The following CNKSR2 variants were observed in gnomAD, a reference collection of about 807,000 sequenced individuals.
The protein encoded by CNKSR2 is connector enhancer of kinase suppressor of Ras 2.
CNKSR2 carries 14 observed loss-of-function variants against 84.4 expected under a neutral mutation model. That is an observed-to-expected ratio of 0.17 (90% CI 0.11 to 0.26). CNKSR2 has a LOEUF of 0.26. Among genes scored for constraint, CNKSR2 ranks in the 10% least tolerant of loss-of-function variants. The probability of loss-of-function intolerance (pLI) is 1.00; values close to 1 mark genes in which losing one functional copy is unlikely to be tolerated. For synonymous variants in CNKSR2, 275 were observed against 277.9 expected (o/e 0.99, Z 0.10); for missense variants, 485 against 771.2 (o/e 0.63, Z 4.40).
At chrX:21,552,526 T>TA (rs762472870) in intron 11 of CNKSR2, among the ~76,000 whole-genome samples, 1 of 112,026 alleles carries the variant, frequency 8.9e-6, no homozygotes, top group Non-Finnish European at 1.9e-5. Flanking sequence ...CTACCAATGA[T>TA]ACGATTTCTT....
At chrX:21,394,154 T>C (rs1416604865) in intron 1 of CNKSR2, among the ~76,000 whole-genome samples, 1 of 111,920 alleles carries the variant, frequency 8.9e-6, no homozygotes, top group East Asian at 2.8e-4. Flanking sequence ...GAATAATTAA[T>C]ATATAGTCCA....
At chrX:21,649,081 G>A (rs927031960) in intron 21 of CNKSR2, 54 bp downstream of exon 21, 1 of 904,490 alleles carries the variant, frequency 1.1e-6, no homozygotes, top group African/African-American at 2.0e-5. Flanking sequence ...TTCTTAAAGT[G>A]GATTACCAGA....
At chrX:21,449,651 C>T (rs2090902034) in intron 4 of CNKSR2, among the ~76,000 whole-genome samples, 1 of 110,885 alleles carries the variant, frequency 9.0e-6, no homozygotes, top group South Asian at 3.8e-4. Context: ...TGCCCATGCT[C>T]CATGTGCATC....
chrX:21,433,597 T>C (rs1008608421), intron 3 of CNKSR2, among the ~76,000 whole-genome samples: 17 of 108,655 alleles, frequency 1.6e-4, no homozygotes, highest in African/African-American at 5.7e-4. Flanking sequence ...TCTGATAATA[T>C]ACATTACCAG....
intron 20 of CNKSR2, among the ~76,000 whole-genome samples, chrX:21,630,390 A>G (rs2092642481): frequency 8.9e-6 from 1 of 112,381 alleles, no homozygotes; most frequent in Non-Finnish European, 1.9e-5. Context: ...TACAAATAAT[A>G]GCTAACATTT....
At chrX:21,404,270 T>C (rs2090232803) in intron 1 of CNKSR2, among the ~76,000 whole-genome samples, 1 of 111,430 alleles carries the variant, frequency 9.0e-6, no homozygotes, top group East Asian at 2.8e-4. Context: ...AGGGTTTATG[T>C]GTGTACAGTT....
intron 1 of CNKSR2, among the ~76,000 whole-genome samples, chrX:21,415,865 CACACACAT>C (rs1402878950): frequency 2.1e-3 from 215 of 100,283 alleles, no homozygotes; most frequent in Middle Eastern, 5.1e-3. Context: ...CACACACACA[CACACACAT>C]ATATATATAT....
At chrX:21,443,560 C>T (rs893690743) in intron 4 of CNKSR2, among the ~76,000 whole-genome samples, 1 of 111,344 alleles carries the variant, frequency 9.0e-6, no homozygotes, top group African/African-American at 3.3e-5. Context: ...CTTCTTAGAT[C>T]CATTTTACAT....
chrX:21,529,138 C>T (rs1004598877), intron 10 of CNKSR2, among the ~76,000 whole-genome samples: 1 of 110,982 alleles, frequency 9.0e-6, no homozygotes, highest in South Asian at 3.7e-4. Flanking sequence ...AAACCTCTCT[C>T]ATCTCAAAAA....
At chrX:21,504,718 G>C in intron 8 of CNKSR2, 2 of 293,754 alleles carry the variant, frequency 6.8e-6, no homozygotes, top group Non-Finnish European at 1.2e-5. Flanking sequence ...TTTTTTAAAA[G>C]TATTTTCTTA....
chrX:21,395,715 T>C (rs959004554), intron 1 of CNKSR2, among the ~76,000 whole-genome samples: 12 of 111,831 alleles, frequency 1.1e-4, no homozygotes, highest in Non-Finnish European at 1.1e-4. Context: ...AAATTCATGT[T>C]CATACTTGGT....
intron 2 of CNKSR2, chrX:21,428,653 G>A (rs752815460): frequency 4.5e-5 from 5 of 111,046 alleles, no homozygotes; most frequent in South Asian, 7.6e-4. Context: ...ATAGCTTAAC[G>A]TATGGTCCTT....
intron 2 of CNKSR2, chrX:21,426,909 G>T (rs2090572540): frequency 2.9e-6 from 1 of 350,763 alleles, no homozygotes; most frequent in Non-Finnish European, 4.8e-6. Flanking sequence ...AGTCCAGAGT[G>T]TATGTCTCAT....
At chrX:21,409,256 AT>A (rs2090309165) in intron 1 of CNKSR2, among the ~76,000 whole-genome samples, 1 of 83,182 alleles carries the variant, frequency 1.2e-5, no homozygotes, top group Admixed American at 1.3e-4. Context: ...ATATATATAT[AT>A]ATATATATAT....
intron 9 of CNKSR2, among the ~76,000 whole-genome samples, chrX:21,519,058 A>ATTAAATAT (rs1384837205): frequency 8.1e-5 from 9 of 110,788 alleles, no homozygotes; most frequent in Non-Finnish European, 1.7e-4. Context: ...ATTGGTGTTA[A>ATTAAATAT]TTAAATATTT....
chrX:21,605,411 C>T (rs2092510607), intron 18 of CNKSR2, among the ~76,000 whole-genome samples: 2 of 112,296 alleles, frequency 1.8e-5, no homozygotes, highest in Middle Eastern at 4.6e-3. Flanking sequence ...TCAGAGTCTT[C>T]GTATTTTGAG....
intron 20 of CNKSR2, chrX:21,641,528 A>G: frequency 8.5e-7 from 1 of 1,176,507 alleles, no homozygotes; most frequent in African/African-American, 1.8e-5. Context: ...GCTTTATCAT[A>G]TTAGGCTAAT....
At chrX:21,642,168 T>C in intron 20 of CNKSR2, 7 of 745,318 alleles carry the variant, frequency 9.4e-6, no homozygotes, top group Non-Finnish European at 1.1e-5. Context: ...ATACACAATT[T>C]GCTTTGAAAC....
chrX:21,534,420 A>G (rs185675241), intron 11 of CNKSR2, among the ~76,000 whole-genome samples: 1 of 110,534 alleles, frequency 9.0e-6, no homozygotes, highest in East Asian at 2.8e-4. Context: ...TCTCTTTGAC[A>G]TACTGATTTC....
Sources: gnomAD v4.1 joint callset for allele counts (sites outside exome capture counted in the v4.1 genomes callset) on GRCh38, gnomAD v4.1.1 for gene constraint, MANE v1.5 for transcripts, NCBI Gene and HGNC (gene_info 2026-07-23, HGNC 2026-07-21) for gene names.